The following PHF20 variants were observed in gnomAD, a reference collection of about 807,000 sequenced individuals.
PHF20 encodes the protein glioma-expressed antigen 2.
In PHF20, 23 loss-of-function variants were observed where a neutral mutation model predicts 113.5. That is an observed-to-expected ratio of 0.20 (90% CI 0.15 to 0.29). The LOEUF is 0.29. Ranked by LOEUF, PHF20 falls within the 10% of genes least tolerant of loss-of-function variation. PHF20 has a pLI of 1.00. For synonymous variants in PHF20, 434 were observed against 457.3 expected (o/e 0.95, Z 0.65); for missense variants, 943 against 1,219.6 (o/e 0.77, Z 3.38).
At chr20:35,878,383 A>T in intron 9 of PHF20, 1 of 404,564 alleles carries the variant, frequency 2.5e-6, no homozygotes, top group Non-Finnish European at 4.3e-6. Context: ...TGCCTGCTAC[A>T]TAGAAATGGA....
intron 4 of PHF20, among the ~76,000 whole-genome samples, chr20:35,847,784 A>G (rs1445003373): frequency 6.6e-6 from 1 of 152,212 alleles, no homozygotes; most frequent in Non-Finnish European, 1.5e-5. Flanking sequence ...TAGAAATTAA[A>G]TGAACACTAA....
At position 35,869,510 on chromosome 20, in the gene PHF20, G is replaced by A. The variant is rs370434795; in HGVS notation, c.881G>A (p.Cys294Tyr). Reference sequence around the variant, plus strand: ...AGAAGAAGGAAAATATCAAAAGGATGTGAAGTCCCATTAAAACGTCCTCGG... The same window carrying A: ...AGAAGAAGGAAAATATCAAAAGGATATGAAGTCCCATTAAAACGTCCTCGG... ...ELRRRKISKG[C>Y]EVPLKRPRLD... Residue 294 changes from cysteine (C) to tyrosine (Y), a missense_variant, in exon 7 of 18, where the codon TGT (cysteine) becomes TAT (tyrosine). This residue lies in a region of PHF20 where 592 missense variants were observed against 787.2 expected (regional missense o/e 0.75). Coordinates refer to ENST00000374012, the MANE Select transcript of PHF20 (RefSeq NM_016436.5). 1.5e-5 allele frequency: 24 copies of A among 1,610,982 alleles called. No individual in the cohort carries two copies. Among genetic ancestry groups the A allele is most frequent in the Admixed American group, 8.4e-5 (5 of 59,620 alleles).
intron 2 of PHF20, among the ~76,000 whole-genome samples, chr20:35,823,343 A>G (rs1489683878): frequency 6.6e-6 from 1 of 151,132 alleles, no homozygotes; most frequent in African/African-American, 2.4e-5. Flanking sequence ...ACTCATGCCT[A>G]TAATCCCAGC....
At chr20:35,926,432 G>T (rs1242921225) in intron 13 of PHF20, among the ~76,000 whole-genome samples, 1 of 151,776 alleles carries the variant, frequency 6.6e-6, no homozygotes, top group East Asian at 2.0e-4. Flanking sequence ...GTAGAGACGG[G>T]GTTTCACTGT....
chr20:35,827,781 T>A (rs1212187574), intron 2 of PHF20, among the ~76,000 whole-genome samples: 1 of 130,382 alleles, frequency 7.7e-6, no homozygotes, highest in Non-Finnish European at 1.6e-5. Context: ...AGACTCCATC[T>A]CAGAAAAAAA....
chr20:35,852,395 G>A (rs1048689126), intron 4 of PHF20, among the ~76,000 whole-genome samples: 5 of 152,270 alleles, frequency 3.3e-5, no homozygotes, highest in Middle Eastern at 3.4e-3. Context: ...GATTATGGGC[G>A]GTTCACTGCC....
At chr20:35,836,897 G>A (rs1488876275) in intron 2 of PHF20, among the ~76,000 whole-genome samples, 1 of 151,812 alleles carries the variant, frequency 6.6e-6, no homozygotes. Flanking sequence ...TTGGCTGGGT[G>A]CAGTGGCTCA....
intron 12 of PHF20, among the ~76,000 whole-genome samples, chr20:35,914,474 A>G (rs1192172483): frequency 6.6e-6 from 1 of 152,228 alleles, no homozygotes; most frequent in Non-Finnish European, 1.5e-5. Context: ...GTAAGTCCTC[A>G]AAAGCATAGA....
intron 9 of PHF20, among the ~76,000 whole-genome samples, chr20:35,887,006 A>G (rs941708577): frequency 1.3e-5 from 2 of 152,218 alleles, no homozygotes; most frequent in African/African-American, 4.8e-5. Flanking sequence ...TGCCAGCCAG[A>G]CGGAATATCA....
At chr20:35,804,868 A>G (rs2041852403) in intron 2 of PHF20, among the ~76,000 whole-genome samples, 1 of 152,060 alleles carries the variant, frequency 6.6e-6, no homozygotes, top group Non-Finnish European at 1.5e-5. Context: ...CCATATGTAC[A>G]TAAAAATTTA....
At chr20:35,931,524 C>A in intron 15 of PHF20, 80 bp downstream of exon 15, 1 of 1,078,804 alleles carries the variant, frequency 9.3e-7, no homozygotes, top group Non-Finnish European at 1.3e-6. Context: ...AATTGGAAAG[C>A]TACCAAAGCA....
At chr20:35,864,028 T>C (rs1474020786) in intron 6 of PHF20, among the ~76,000 whole-genome samples, 1 of 152,164 alleles carries the variant, frequency 6.6e-6, no homozygotes, top group Non-Finnish European at 1.5e-5. Flanking sequence ...TAACCAAGAA[T>C]GAAACAAGCC....
At chr20:35,820,179 T>G (rs368847046) in intron 2 of PHF20, among the ~76,000 whole-genome samples, 9 of 152,200 alleles carry the variant, frequency 5.9e-5, no homozygotes, top group East Asian at 3.8e-4. Flanking sequence ...AGATATTTAC[T>G]CTGTACAAAG....
chr20:35,841,418 A>G (rs867140764), intron 2 of PHF20, among the ~76,000 whole-genome samples: 3 of 152,260 alleles, frequency 2.0e-5, no homozygotes, highest in East Asian at 1.9e-4. Flanking sequence ...ATATAACTGT[A>G]TATCTTAGAA....
intron 4 of PHF20, among the ~76,000 whole-genome samples, chr20:35,851,695 A>AC (rs2042735492): frequency 6.6e-6 from 1 of 151,652 alleles, no homozygotes; most frequent in African/African-American, 2.4e-5. Context: ...GCAGCGGATT[A>AC]CCTGAGGTCA....
rs62211758 is a variant in PHF20, at chr20:35,938,991, C to A, written c.2595C>A (p.Asp865Glu). 4 of 1,614,164 alleles carry A rather than the reference C, an allele frequency of 2.5e-6. No homozygotes were observed. The highest frequency in any genetic ancestry group is 3.4e-6 in the Non-Finnish European group (4 of 1,180,018). Residue 865 changes from aspartate (D) to glutamate (E), a missense_variant, in exon 16 of 18, where the codon GAC (aspartate) becomes GAA (glutamate). Coordinates refer to ENST00000374012, the MANE Select transcript of PHF20 (RefSeq NM_016436.5). ...LVVETRGSAL[D>E]DAVNPLHENG... The stretch of plus-strand genomic sequence containing the variant: ...TGGAGACGAGGGGCTCTGCCCTCGA[C>A]GATGCGGTCAACCCCCTCCATGAGA...
intron 4 of PHF20, among the ~76,000 whole-genome samples, chr20:35,853,594 C>G (rs892117612): frequency 2.0e-5 from 3 of 151,990 alleles, no homozygotes; most frequent in Non-Finnish European, 4.4e-5. Flanking sequence ...CTACAAAAAA[C>G]TAAAAAATAA....
At chr20:35,909,502 C>T (rs2055259734) in intron 10 of PHF20, among the ~76,000 whole-genome samples, 1 of 152,014 alleles carries the variant, frequency 6.6e-6, no homozygotes, top group Non-Finnish European at 1.5e-5. Flanking sequence ...ACCCTGTTCT[C>T]AGGATCAATG....
intron 9 of PHF20, among the ~76,000 whole-genome samples, chr20:35,873,970 T>G (rs1433532857): frequency 6.6e-6 from 1 of 152,232 alleles, no homozygotes; most frequent in African/African-American, 2.4e-5. Context: ...TTAAAAAATT[T>G]TTTATTTACA....
Sources: gnomAD v4.1 joint callset for allele counts (sites outside exome capture counted in the v4.1 genomes callset) on GRCh38, gnomAD v4.1.1 for gene constraint, gnomAD v4.1.1 regional missense constraint, MANE v1.5 for transcripts, NCBI Gene and HGNC (gene_info 2026-07-23, HGNC 2026-07-21) for gene names.